FRMD5: variants seen among roughly 807,000 people sequenced by gnomAD.
FRMD5 encodes FERM domain-containing protein 5.
In FRMD5, 20 loss-of-function variants were observed where a neutral mutation model predicts 69.0. The observed-to-expected ratio is 0.29, with a 90% CI of 0.20 to 0.42. FRMD5 has a LOEUF of 0.42. FRMD5 is among the 10% of genes least tolerant of loss of function. The pLI, the probability that FRMD5 is intolerant of heterozygous loss-of-function variation, is 1.00. For missense variants in FRMD5, 595 were observed against 708.6 expected, an observed-to-expected ratio of 0.84 and a Z score of 1.82; for synonymous variants, 271 against 260.1, an observed-to-expected ratio of 1.04 and a Z score of -0.40.
At chr15:44,004,305 C>T (rs1044746094) in intron 1 of FRMD5, among the ~76,000 whole-genome samples, 1 of 152,142 alleles carries the variant, frequency 6.6e-6, no homozygotes, top group African/African-American at 2.4e-5. Context: ...TCAGTACAAG[C>T]ATACCTCATT....
chr15:43,883,694 C>G lies in FRMD5; in HGVS notation c.1135+9G>C, dbSNP rs368860757. ...ACCCCAGTGGTCACCTCAAGAAGCT[C>G]ATGCTCACCTTCCATGATGGAGATG... is the stretch of plus-strand genomic sequence containing the variant. On this transcript the variant is annotated intron_variant, in intron 13 of 13. Coordinates refer to ENST00000417257, the MANE Select transcript of FRMD5 (RefSeq NM_032892.5). 1.1e-5 allele frequency: 17 copies of G among 1,598,046 alleles called. No homozygotes were observed. Among genetic ancestry groups the G allele is most frequent in the South Asian group, 2.2e-5 (2 of 89,342 alleles).
At chr15:43,906,873 T>C (rs1425254924) in intron 5 of FRMD5, among the ~76,000 whole-genome samples, 1 of 152,056 alleles carries the variant, frequency 6.6e-6, no homozygotes, top group East Asian at 1.9e-4. Context: ...AGTGCTGGGA[T>C]TACAGGCGTG....
rs151071126 is a variant in FRMD5 at position 44,116,950 on chromosome 15, C to T, written c.102+78003G>A. ...TACAAAAATTAACCGAGCATGGTGG[C>T]GTGGGCCTGTAATCCCAGCTACTCA... On this transcript the variant is annotated intron_variant, in intron 1 of 13. Transcript: ENST00000417257. 8.0e-4 allele frequency among the ~76,000 whole-genome samples: 108 copies of T among 135,294 alleles called. 1 individual carries two copies. The highest frequency in any genetic ancestry group is 3.7e-3 in the Middle Eastern group (1 of 272). The allele number at this position is 135,294 out of a possible 152,430, so 88.8% of individuals were successfully genotyped here.
chr15:43,875,201 C>T (rs1037101496), intron 13 of FRMD5, among the ~76,000 whole-genome samples: 2 of 151,512 alleles, frequency 1.3e-5, no homozygotes, highest in African/African-American at 2.4e-5. Context: ...TGCCTCGGGG[C>T]GAGGAGGAAG....
intron 1 of FRMD5, among the ~76,000 whole-genome samples, chr15:44,127,047 T>C (rs1291800649): frequency 6.6e-6 from 1 of 152,228 alleles, no homozygotes; most frequent in Non-Finnish European, 1.5e-5. Flanking sequence ...ACAATCTTTC[T>C]GTATTCTATA....
chr15:43,952,520 G>A (rs947933519), intron 1 of FRMD5, among the ~76,000 whole-genome samples: 1 of 152,204 alleles, frequency 6.6e-6, no homozygotes, highest in African/African-American at 2.4e-5. Flanking sequence ...ATGCGCTGCT[G>A]CATTTTGGAT....
At chr15:43,934,508 T>C (rs2089726452) in intron 1 of FRMD5, among the ~76,000 whole-genome samples, 1 of 152,188 alleles carries the variant, frequency 6.6e-6, no homozygotes, top group African/African-American at 2.4e-5. Flanking sequence ...TGTTTATTGC[T>C]AGTGTAATTA....
intron 1 of FRMD5, among the ~76,000 whole-genome samples, chr15:44,116,387 G>A (rs1450137973): frequency 2.0e-5 from 3 of 151,920 alleles, no homozygotes; most frequent in Non-Finnish European, 4.4e-5. Context: ...AGCCTCTGGG[G>A]CAGCTGGGAC....
chr15:43,878,202 G>A (rs568536685), intron 13 of FRMD5, among the ~76,000 whole-genome samples: 1 of 151,942 alleles, frequency 6.6e-6, no homozygotes, highest in Admixed American at 6.6e-5. Context: ...AGGTTTTTGT[G>A]CTGGGATTAC....
intron 4 of FRMD5, among the ~76,000 whole-genome samples, chr15:43,918,636 C>T (rs2089439351): frequency 6.6e-6 from 1 of 152,304 alleles, no homozygotes; most frequent in East Asian, 1.9e-4. Context: ...TCTTCCTCAG[C>T]TCTAGGATTC....
intron 1 of FRMD5, among the ~76,000 whole-genome samples, chr15:43,935,604 C>G (rs561082168): frequency 6.6e-4 from 101 of 152,248 alleles, no homozygotes; most frequent in African/African-American, 2.4e-3. Flanking sequence ...ATGGTCCAGG[C>G]TTTGCAGTGT....
chr15:44,169,168 C>T (rs1310647569), intron 1 of FRMD5, among the ~76,000 whole-genome samples: 1 of 152,158 alleles, frequency 6.6e-6, no homozygotes, highest in African/African-American at 2.4e-5. Flanking sequence ...TTCACCTCCC[C>T]AATTATTCCT....
chr15:44,005,446 G>C (rs1452712543), intron 1 of FRMD5, among the ~76,000 whole-genome samples: 2 of 130,576 alleles, frequency 1.5e-5, no homozygotes, highest in Non-Finnish European at 3.1e-5. Flanking sequence ...ACTCCAGCCT[G>C]GGCAAAAAGA....
chr15:43,910,313 C>G (rs904903452), intron 4 of FRMD5, among the ~76,000 whole-genome samples: 4 of 152,036 alleles, frequency 2.6e-5, no homozygotes, highest in Non-Finnish European at 5.9e-5. Context: ...AAAAAGAAAA[C>G]TATGCCATCA....
At chr15:43,973,274 G>A (rs866611612) in intron 1 of FRMD5, among the ~76,000 whole-genome samples, 7 of 151,594 alleles carry the variant, frequency 4.6e-5, no homozygotes, top group Middle Eastern at 3.4e-3. Context: ...CGCCTGCCTC[G>A]GCCTCCCAAA....
At chr15:44,190,770 G>A (rs1436509900) in intron 1 of FRMD5, among the ~76,000 whole-genome samples, 1 of 152,180 alleles carries the variant, frequency 6.6e-6, no homozygotes, top group Admixed American at 6.5e-5. Context: ...AAAATTTGAA[G>A]TGAAGTTAAC....
chr15:43,897,233 A>G (rs1368192922), intron 7 of FRMD5, among the ~76,000 whole-genome samples: 2 of 152,050 alleles, frequency 1.3e-5, no homozygotes, highest in Non-Finnish European at 2.9e-5. Context: ...CACACCTGTA[A>G]TCCCAGCACT....
At chr15:44,082,782 T>A (rs374584147) in intron 1 of FRMD5, among the ~76,000 whole-genome samples, 3 of 151,934 alleles carry the variant, frequency 2.0e-5, no homozygotes, top group African/African-American at 4.8e-5. Flanking sequence ...GGCTTGGGAA[T>A]GAAAGATAAG....
chr15:44,008,427 C>T (rs1890559226), intron 1 of FRMD5, among the ~76,000 whole-genome samples: 1 of 151,170 alleles, frequency 6.6e-6, no homozygotes, highest in Non-Finnish European at 1.5e-5. Flanking sequence ...TCACACCTGG[C>T]TATTTTTTTT....
Sources: allele counts gnomAD v4.1 joint callset (sites outside exome capture counted in the v4.1 genomes callset), GRCh38; gene constraint gnomAD v4.1.1; transcripts MANE v1.5; gene names NCBI Gene and HGNC (gene_info 2026-07-23, HGNC 2026-07-21).